The following SEZ6L variants were observed in gnomAD, a reference collection of about 807,000 sequenced individuals.
The protein encoded by SEZ6L is seizure 6-like protein.
Under a neutral mutation model 106.2 loss-of-function variants are expected in SEZ6L, and 37 were observed. That is an observed-to-expected ratio of 0.35 (90% CI 0.27 to 0.46). The LOEUF (loss-of-function observed/expected upper bound fraction) is 0.46, where lower values mean the gene tolerates loss of function less well. Among genes scored for constraint, SEZ6L ranks in the 20% least tolerant of loss-of-function variants. The probability of loss-of-function intolerance (pLI) is 1.00; values close to 1 mark genes in which losing one functional copy is unlikely to be tolerated. For synonymous variants in SEZ6L, 541 were observed against 570.4 expected, an observed-to-expected ratio of 0.95 and a Z score of 0.73; for missense variants, 1,172 against 1,332.8, an observed-to-expected ratio of 0.88 and a Z score of 1.88.
chr22:26,285,491 A>T (rs2080907843), intron 1 of SEZ6L, among the ~76,000 whole-genome samples: 1 of 152,198 alleles, frequency 6.6e-6, no homozygotes, highest in Non-Finnish European at 1.5e-5. Flanking sequence ...GTTCACTGTG[A>T]TTAATCCAGT....
intron 11 of SEZ6L, among the ~76,000 whole-genome samples, chr22:26,349,674 A>T (rs540192904): frequency 6.6e-6 from 1 of 152,248 alleles, no homozygotes; most frequent in East Asian, 1.9e-4. Context: ...CTAATTTTTA[A>T]AAATTTTTTG....
At chr22:26,375,798 A>G (rs2084204698) in intron 15 of SEZ6L, 109 bp downstream of exon 15, 1 of 720,904 alleles carries the variant, frequency 1.4e-6, no homozygotes, top group Non-Finnish European at 2.3e-6. Context: ...GAGCTCGGGC[A>G]TAGTGGCATT....
intron 5 of SEZ6L, among the ~76,000 whole-genome samples, chr22:26,299,897 A>G (rs191856439): frequency 6.6e-6 from 1 of 152,298 alleles, no homozygotes; most frequent in Admixed American, 6.5e-5. Context: ...TTGAGGAACC[A>G]TCAAACGATT....
chr22:26,271,933 T>A (rs1220611859), intron 1 of SEZ6L, among the ~76,000 whole-genome samples: 1 of 152,180 alleles, frequency 6.6e-6, no homozygotes, highest in Non-Finnish European at 1.5e-5. Context: ...GGATAAACTG[T>A]GATGTAGACA....
chr22:26,178,273 G>C (rs1207526271), intron 1 of SEZ6L, among the ~76,000 whole-genome samples: 1 of 152,198 alleles, frequency 6.6e-6, no homozygotes, highest in Non-Finnish European at 1.5e-5. Context: ...ACCGGGGAAT[G>C]GTGCCATCCA....
intron 1 of SEZ6L, among the ~76,000 whole-genome samples, chr22:26,272,373 G>A (rs957712911): frequency 6.6e-6 from 1 of 152,176 alleles, no homozygotes. Context: ...AATAGGTTCT[G>A]CATGACATCC....
intron 1 of SEZ6L, among the ~76,000 whole-genome samples, chr22:26,177,140 T>C (rs1445696554): frequency 6.6e-6 from 1 of 152,180 alleles, no homozygotes; most frequent in Non-Finnish European, 1.5e-5. Context: ...TGAATTTAAT[T>C]CCTGACTCTC....
chr22:26,336,329 C>T (rs2082643682), intron 9 of SEZ6L, among the ~76,000 whole-genome samples: 1 of 152,292 alleles, frequency 6.6e-6, no homozygotes, highest in Non-Finnish European at 1.5e-5. Context: ...CTCTAAAATT[C>T]CTGCAGGACT....
chr22:26,348,638 A>G (rs1382548637), intron 11 of SEZ6L, among the ~76,000 whole-genome samples: 10 of 31,480 alleles, frequency 3.2e-4, no homozygotes, highest in African/African-American at 1.9e-3. Flanking sequence ...GAAAGAAAGA[A>G]AGAAAGAAAA....
intron 16 of SEZ6L, among the ~76,000 whole-genome samples, chr22:26,378,003 C>T (rs1007951571): frequency 3.0e-4 from 46 of 152,150 alleles, no homozygotes; most frequent in Admixed American, 2.9e-3. Context: ...GTCAGCAGAA[C>T]ACCCACAGAA....
At chr22:26,343,324 C>CA (rs763323751) in intron 10 of SEZ6L, among the ~76,000 whole-genome samples, 1,793 of 62,854 alleles carry the variant, frequency 0.029, 13 homozygotes, top group South Asian at 0.065. Flanking sequence ...GCTTGATGGC[C>CA]AAAAAAAAAA....
At chr22:26,368,004 C>G (rs924391880) in intron 13 of SEZ6L, among the ~76,000 whole-genome samples, 2 of 152,176 alleles carry the variant, frequency 1.3e-5, no homozygotes, top group African/African-American at 4.8e-5. Context: ...TTTTGAAGTG[C>G]ACAATCAGTA....
At chr22:26,347,199 AATGATGATGATGATG>A (rs3071639) in intron 10 of SEZ6L, among the ~76,000 whole-genome samples, 3 of 149,728 alleles carry the variant, frequency 2.0e-5, no homozygotes, top group Non-Finnish European at 4.4e-5. Flanking sequence ...CTGTAAAAAT[AATGATGATGATGATG>A]ATGATGATGA....
intron 1 of SEZ6L, among the ~76,000 whole-genome samples, chr22:26,219,063 C>T (rs919783274): frequency 1.3e-5 from 2 of 152,214 alleles, no homozygotes; most frequent in African/African-American, 4.8e-5. Context: ...ATTCCCCAGC[C>T]ATAGCCAGAA....
chr22:26,171,061 G>GC (rs1052471792), intron 1 of SEZ6L, among the ~76,000 whole-genome samples: 2 of 152,122 alleles, frequency 1.3e-5, no homozygotes, highest in African/African-American at 4.8e-5. Context: ...GGCCTGGAGT[G>GC]CCCCCCTCAG....
chr22:26,196,545 T>C (rs1369919943), intron 1 of SEZ6L, among the ~76,000 whole-genome samples: 2 of 152,028 alleles, frequency 1.3e-5, no homozygotes, highest in African/African-American at 4.8e-5. Flanking sequence ...GCAGCAAAAT[T>C]TGGAGGCAAC....
intron 12 of SEZ6L, among the ~76,000 whole-genome samples, chr22:26,360,683 G>A (rs1407814809): frequency 6.6e-6 from 1 of 152,156 alleles, no homozygotes; most frequent in African/African-American, 2.4e-5. Flanking sequence ...CCCGACCAGG[G>A]GGCGGGAAAG....
rs2145924226 is a variant in SEZ6L at position 26,311,973 on chromosome 22, C to A, written c.1876+11C>A. The A allele has an allele frequency of 6.2e-7, 1 of 1,610,126 alleles. No individual in the cohort carries two copies. Among genetic ancestry groups the A allele is most frequent in the Non-Finnish European group, 8.5e-7 (1 of 1,176,992 alleles). ...AGCCCCTGTGCAGAGGTGAGCGGAT[C>A]CACAACGCTCTTCCCACGGCACCCC... On this transcript the variant is annotated intron_variant, in intron 8 of 16. Transcript: ENST00000248933.
At chr22:26,350,330 C>G (rs149305253) in intron 11 of SEZ6L, among the ~76,000 whole-genome samples, 1 of 151,440 alleles carries the variant, frequency 6.6e-6, no homozygotes, top group Non-Finnish European at 1.5e-5. Context: ...CAGGCTTAAG[C>G]GATCCTCTCA....
Sources: gnomAD v4.1 joint callset for allele counts (sites outside exome capture counted in the v4.1 genomes callset) on GRCh38, gnomAD v4.1.1 for gene constraint, MANE v1.5 for transcripts, NCBI Gene and HGNC (gene_info 2026-07-23, HGNC 2026-07-21) for gene names.